GUCY1A2: variants seen among roughly 807,000 people sequenced by gnomAD.
The protein encoded by GUCY1A2 is guanylate cyclase soluble subunit alpha-2.
A neutral mutation model predicts 63.5 loss-of-function variants in GUCY1A2; 27 were observed. The observed-to-expected ratio is 0.43, with a 90% CI of 0.31 to 0.59. GUCY1A2 has a LOEUF of 0.59. Among genes scored for constraint, GUCY1A2 ranks in the 20% least tolerant of loss-of-function variants. The pLI, the probability that GUCY1A2 is intolerant of heterozygous loss-of-function variation, is 0.11. For missense variants in GUCY1A2, 768 were observed against 913.3 expected, an observed-to-expected ratio of 0.84 and a Z score of 2.05; for synonymous variants, 364 against 343.5, an observed-to-expected ratio of 1.06 and a Z score of -0.66.
intron 4 of GUCY1A2, chr11:106,826,387 C>G (rs2135433625): frequency 6.5e-7 from 1 of 1,539,228 alleles, no homozygotes; most frequent in Admixed American, 1.8e-5. Context: ...GAAGAAATTC[C>G]ATTTTTAGTC....
chr11:107,011,233 G>A (rs11606086), intron 1 of GUCY1A2, among the ~76,000 whole-genome samples: 4,680 of 152,138 alleles, frequency 0.031, 113 homozygotes, highest in Non-Finnish European at 0.046. Flanking sequence ...TCTCAAAAAA[G>A]AAAATTATAC....
At chr11:106,944,462 A>G (rs1226255951) in intron 3 of GUCY1A2, among the ~76,000 whole-genome samples, 1 of 151,914 alleles carries the variant, frequency 6.6e-6, no homozygotes, top group African/African-American at 2.4e-5. Context: ...TTACTGTAGA[A>G]GAGTGTAAAT....
At chr11:106,735,907 C>G (rs1237655802) in intron 6 of GUCY1A2, among the ~76,000 whole-genome samples, 3 of 152,002 alleles carry the variant, frequency 2.0e-5, no homozygotes, top group African/African-American at 7.2e-5. Context: ...TTTCATATAC[C>G]TGTTTTCCAT....
At chr11:106,863,359 C>G (rs1859541564) in intron 4 of GUCY1A2, among the ~76,000 whole-genome samples, 1 of 152,120 alleles carries the variant, frequency 6.6e-6, no homozygotes, top group African/African-American at 2.4e-5. Context: ...CTGCATATAA[C>G]TAGCCAGTTT....
chr11:106,985,926 A>G, intron 2 of GUCY1A2, 144 bp downstream of exon 2: 1 of 604,784 alleles, frequency 1.7e-6, no homozygotes, highest in Non-Finnish European at 3.0e-6. Context: ...TCCCCCAATA[A>G]GCCTTCACGC....
At chr11:106,689,865 C>T (rs771234411) in intron 7 of GUCY1A2, among the ~76,000 whole-genome samples, 22 of 151,634 alleles carry the variant, frequency 1.5e-4, no homozygotes, top group Admixed American at 3.3e-4. Context: ...CATGTTGGTG[C>T]GCCCCTGTAA....
At chr11:106,978,888 A>C (rs186200104) in intron 2 of GUCY1A2, 148 bp from the exon 3 acceptor site, 1 of 597,856 alleles carries the variant, frequency 1.7e-6, no homozygotes, top group Non-Finnish European at 2.9e-6. Flanking sequence ...TAATTCTGGC[A>C]TAACCCACCA....
At chr11:106,776,713 A>G (rs1414236507) in intron 5 of GUCY1A2, 131 bp from the exon 6 acceptor site, 1 of 790,272 alleles carries the variant, frequency 1.3e-6, no homozygotes, top group Non-Finnish European at 2.0e-6. Context: ...CAATTAGACT[A>G]CTGTTTATAA....
At chr11:106,874,875 A>G (rs1397650303) in intron 4 of GUCY1A2, among the ~76,000 whole-genome samples, 1 of 152,170 alleles carries the variant, frequency 6.6e-6, no homozygotes, top group East Asian at 1.9e-4. Context: ...ACTGATTCCT[A>G]TCATTTACTG....
intron 1 of GUCY1A2, among the ~76,000 whole-genome samples, chr11:106,992,467 C>T (rs898498108): frequency 6.6e-6 from 1 of 151,424 alleles, no homozygotes; most frequent in Non-Finnish European, 1.5e-5. Flanking sequence ...GTAGCTGGGA[C>T]TACAGGCACC....
At chr11:107,017,682 C>T (rs1483958255) in intron 1 of GUCY1A2, 71 bp downstream of exon 1, 24 of 967,624 alleles carry the variant, frequency 2.5e-5, no homozygotes, top group East Asian at 3.5e-5. Context: ...CGCCCCGGCT[C>T]GCCCAGCGCC....
intron 4 of GUCY1A2, among the ~76,000 whole-genome samples, chr11:106,872,377 G>C (rs1859691245): frequency 6.6e-6 from 1 of 152,064 alleles, no homozygotes; most frequent in African/African-American, 2.4e-5. Context: ...CCAGAGAAAG[G>C]TCACAACATT....
chr11:106,752,340 T>A (rs1317170460), intron 6 of GUCY1A2, among the ~76,000 whole-genome samples: 3 of 152,196 alleles, frequency 2.0e-5, no homozygotes, highest in African/African-American at 7.2e-5. Flanking sequence ...AATGCCATAT[T>A]ATGGTTCAAA....
chr11:106,996,548 C>A (rs11211999), intron 1 of GUCY1A2, among the ~76,000 whole-genome samples: 9,788 of 152,200 alleles, frequency 0.064, 827 homozygotes, highest in East Asian at 0.3. Context: ...ATAGTCTGAT[C>A]AGGTAAGAAA....
At chr11:106,909,355 C>CTGTGTGTGTGTGTGTGTGTGTGTGTG (rs59067320) in intron 4 of GUCY1A2, among the ~76,000 whole-genome samples, 1,547 of 119,926 alleles carry the variant, frequency 0.013, 46 homozygotes, top group Middle Eastern at 0.019. Context: ...TGGTACTCAT[C>CTGTGTGTGTGTGTGTGTGTGTGTGTG]TGTGTGTGTG....
chr11:106,761,982 T>G (rs1046136240), intron 6 of GUCY1A2, among the ~76,000 whole-genome samples: 11 of 152,142 alleles, frequency 7.2e-5, no homozygotes, highest in Non-Finnish European at 1.3e-4. Context: ...TCACTAATCA[T>G]AACCTCATAA....
chr11:106,972,663 A>C, intron 3 of GUCY1A2, among the ~76,000 whole-genome samples: 1 of 152,108 alleles, frequency 6.6e-6, no homozygotes, highest in East Asian at 1.9e-4. Context: ...GATTCAGAAG[A>C]AGATGTTCCT....
chr11:106,914,672 GAA>G (rs2119879347), intron 4 of GUCY1A2, among the ~76,000 whole-genome samples: 1 of 151,578 alleles, frequency 6.6e-6, no homozygotes, highest in South Asian at 2.1e-4. Flanking sequence ...GAAAATCTGA[GAA>G]GAGAAATAAT....
intron 4 of GUCY1A2, among the ~76,000 whole-genome samples, chr11:106,862,525 A>G (rs1438874121): frequency 6.6e-6 from 1 of 152,004 alleles, no homozygotes; most frequent in African/African-American, 2.4e-5. Context: ...TTCTATTGTG[A>G]AAACTGAAAG....
Sources: allele counts gnomAD v4.1 joint callset (sites outside exome capture counted in the v4.1 genomes callset), GRCh38; gene constraint gnomAD v4.1.1; transcripts MANE v1.5; gene names NCBI Gene and HGNC (gene_info 2026-07-23, HGNC 2026-07-21).